The following DPH6 variants were observed in gnomAD, a reference collection of about 807,000 sequenced individuals.
DPH6 encodes diphthine--ammonia ligase.
Under a neutral mutation model 38.2 loss-of-function variants are expected in DPH6, and 33 were observed. The observed-to-expected ratio is 0.86, with a 90% CI of 0.65 to 1.15. The LOEUF (loss-of-function observed/expected upper bound fraction) is 1.15. Ranked by LOEUF, DPH6 falls within the 50% of genes most tolerant of loss-of-function variation. DPH6 has a pLI of 0.00. For synonymous variants in DPH6, 108 were observed against 103.0 expected (o/e 1.05, Z -0.30); for missense variants, 325 against 320.0 (o/e 1.02, Z -0.12).
intron 3 of DPH6, among the ~76,000 whole-genome samples, chr15:35,247,832 A>G (rs1057162439): frequency 2.0e-5 from 3 of 152,232 alleles, no homozygotes; most frequent in African/African-American, 7.2e-5. Flanking sequence ...AATAAGAAAG[A>G]AAAATCAGGT....
intron 5 of DPH6, among the ~76,000 whole-genome samples, chr15:35,438,370 T>TCCCTGGTTCAAGC (rs2053744322): frequency 1.3e-5 from 2 of 152,144 alleles, no homozygotes; most frequent in African/African-American, 4.8e-5. Context: ...CGATGGCCTG[T>TCCCTGGTTCAAGC]GATTACTTGG....
At chr15:35,489,661 T>C (rs980987939) in intron 3 of DPH6, 2 of 975,780 alleles carry the variant, frequency 2.0e-6, no homozygotes, top group African/African-American at 1.8e-5. Context: ...CCCTAAGGCA[T>C]ACAACAGTGT....
intron 3 of DPH6, among the ~76,000 whole-genome samples, chr15:35,299,748 A>G (rs1660172452): frequency 6.6e-6 from 1 of 152,180 alleles, no homozygotes; most frequent in South Asian, 2.1e-4. Flanking sequence ...TCTCGCCTCA[A>G]TTATTCTCTA....
chr15:35,300,971 T>A (rs1234702918), intron 3 of DPH6, among the ~76,000 whole-genome samples: 1 of 152,196 alleles, frequency 6.6e-6, no homozygotes, highest in Non-Finnish European at 1.5e-5. Context: ...CATCTTCTTT[T>A]CAAGTATTAG....
intron 3 of DPH6, among the ~76,000 whole-genome samples, chr15:35,317,117 G>C (rs1482930636): frequency 6.6e-6 from 1 of 152,066 alleles, no homozygotes; most frequent in Non-Finnish European, 1.5e-5. Flanking sequence ...AAATTAGCCA[G>C]GCGTGGTGGC....
chr15:35,320,080 C>T (rs1409105381), intron 3 of DPH6, among the ~76,000 whole-genome samples: 1 of 151,922 alleles, frequency 6.6e-6, no homozygotes, highest in Non-Finnish European at 1.5e-5. Flanking sequence ...AGCCCAACTA[C>T]TGATTTTTAA....
intron 3 of DPH6, among the ~76,000 whole-genome samples, chr15:35,234,242 T>C (rs1341669748): frequency 6.6e-6 from 1 of 152,246 alleles, no homozygotes; most frequent in Non-Finnish European, 1.5e-5. Context: ...TTTAAAAAAC[T>C]GCATTTAATG....
chr15:35,328,080 C>A (rs1380937499), downstream of DPH6, among the ~76,000 whole-genome samples: 2 of 152,080 alleles, frequency 1.3e-5, no homozygotes, highest in Non-Finnish European at 2.9e-5. Flanking sequence ...TCAAAACTTC[C>A]ATGTACTTGG....
the DPH6 span, among the ~76,000 whole-genome samples, chr15:35,204,523 C>T: frequency 1.1e-4 from 17 of 151,818 alleles, no homozygotes; most frequent in South Asian, 3.3e-3. Context: ...ATTCTAAGAA[C>T]ACAAATTAAA....
chr15:35,543,622 C>T (rs1393416729), intron 1 of DPH6, among the ~76,000 whole-genome samples: 2 of 152,078 alleles, frequency 1.3e-5, no homozygotes, highest in Non-Finnish European at 2.9e-5. Context: ...AACTGAGCAC[C>T]TCAGAAACTG....
chr15:35,385,409 C>A (rs1314116821), intron 6 of DPH6, among the ~76,000 whole-genome samples: 1 of 152,154 alleles, frequency 6.6e-6, no homozygotes, highest in Non-Finnish European at 1.5e-5. Context: ...AAATGTGGCA[C>A]ATATACAGCA....
the DPH6 span, among the ~76,000 whole-genome samples, chr15:35,180,036 T>C: frequency 6.6e-6 from 1 of 152,186 alleles, no homozygotes; most frequent in Non-Finnish European, 1.5e-5. Context: ...CAAGGCTCTC[T>C]CTGGGACCCA....
chr15:35,497,533 C>G (rs959176197), intron 3 of DPH6, among the ~76,000 whole-genome samples: 1 of 152,088 alleles, frequency 6.6e-6, no homozygotes, highest in Non-Finnish European at 1.5e-5. Context: ...TATCCATAGT[C>G]GGAAGTTGAG....
At chr15:35,219,622 C>T (rs1208505350) in exon 4 of DPH6, 1 of 152,110 alleles carries the variant, frequency 6.6e-6, no homozygotes, top group Non-Finnish European at 1.5e-5. Context: ...ATATACACCA[C>T]TCAAAACTGG....
At chr15:35,190,545 T>A in the DPH6 span, among the ~76,000 whole-genome samples, 8 of 152,208 alleles carry the variant, frequency 5.3e-5, no homozygotes, top group Admixed American at 6.5e-5. Context: ...ACGCAGGGTC[T>A]TCAAAGTGAT....
downstream of DPH6, among the ~76,000 whole-genome samples, chr15:35,326,510 C>T (rs1230437302): frequency 6.6e-6 from 1 of 152,160 alleles, no homozygotes; most frequent in African/African-American, 2.4e-5. Flanking sequence ...TGATTTACTG[C>T]AGCCTCAACC....
intron 3 of DPH6, among the ~76,000 whole-genome samples, chr15:35,262,597 T>C (rs1183572235): frequency 6.7e-6 from 1 of 149,130 alleles, no homozygotes; most frequent in Non-Finnish European, 1.5e-5. Context: ...TCCCAGCTAC[T>C]GGAGAGGCTG....
chr15:35,386,258 C>T (rs2052955459), intron 6 of DPH6, among the ~76,000 whole-genome samples: 1 of 152,178 alleles, frequency 6.6e-6, no homozygotes, highest in African/African-American at 2.4e-5. Flanking sequence ...TGTTGGAAAT[C>T]TGGGTTGGTT....
chr15:35,506,673 T>C (rs1348171872), intron 3 of DPH6, among the ~76,000 whole-genome samples: 2 of 152,178 alleles, frequency 1.3e-5, no homozygotes, highest in Non-Finnish European at 2.9e-5. Flanking sequence ...TACAATGAAG[T>C]GTTCACTCTG....
Sources: gnomAD v4.1 joint callset for allele counts (sites outside exome capture counted in the v4.1 genomes callset) on GRCh38, gnomAD v4.1.1 for gene constraint, MANE v1.5 for transcripts, NCBI Gene and HGNC (gene_info 2026-07-23, HGNC 2026-07-21) for gene names.